Variants in CDH18 observed in about 807,000 individuals in gnomAD.
CDH18 encodes cadherin-18.
Under a neutral mutation model 67.9 loss-of-function variants are expected in CDH18, and 31 were observed. The observed-to-expected ratio is 0.46, with a 90% CI of 0.34 to 0.62. CDH18 has a LOEUF of 0.62. CDH18 is among the 20% of genes least tolerant of loss of function. The probability of loss-of-function intolerance (pLI) is 0.01; values close to 1 mark genes in which losing one functional copy is unlikely to be tolerated. For missense variants in CDH18, 890 were observed against 975.5 expected (o/e 0.91, Z 1.17); for synonymous variants, 362 against 347.2 (o/e 1.04, Z -0.48).
intron 5 of CDH18, among the ~76,000 whole-genome samples, chr5:19,693,078 C>T (rs1034017174): frequency 2.7e-5 from 4 of 146,190 alleles, no homozygotes; most frequent in Admixed American, 2.7e-4. Flanking sequence ...TAATAAAATC[C>T]TTTTTTTTTT....
In CDH18 at chr5:19,994,851, T is replaced by TAGAGAGAGAG. The variant is rs796697683; in HGVS notation, c.-517-2838_-517-2837insCTCTCTCTCT. The stretch of plus-strand genomic sequence containing the variant: ...GAGAATATATATATATATATATATA[T>TAGAGAGAGAG]ATATAGAGAGAGAGAGAGAGAGAGA... On this transcript the variant is annotated intron_variant, in intron 2 of 14. Coordinates refer to the CDH18 transcript ENST00000507958. Among the ~76,000 whole-genome samples the TAGAGAGAGAG allele has an allele frequency of 1.2e-3, 48 of 39,200 alleles. 5 individuals carry two copies. The highest frequency in any genetic ancestry group is 0.011 in the East Asian group (8 of 744). 25.7% of individuals were successfully genotyped at this position (39,200 alleles called of 152,430 possible). A position where few individuals can be genotyped will look rare whatever the true frequency, so the allele number is the denominator to read the frequency against.
rs140645600 is a variant in CDH18, at chr5:20,084,222, A to G, written c.-517-92208T>C. Reference sequence around the variant, plus strand: ...ACAAGTGGGAGACATTGGCCAAAACAAAGGGGCTACAGGTCCCATGCAAGT... The same window carrying G: ...ACAAGTGGGAGACATTGGCCAAAACGAAGGGGCTACAGGTCCCATGCAAGT... On this transcript the variant is annotated intron_variant, in intron 2 of 14. Transcript: ENST00000507958. Among the ~76,000 whole-genome samples, 1,237 of 152,284 alleles carry G rather than the reference A, an allele frequency of 8.1e-3. 81 individuals are homozygous for G. The East Asian group carries it at 0.18, about 22-fold the overall frequency.
chr5:19,671,169 A>C (rs1033670707), intron 5 of CDH18, among the ~76,000 whole-genome samples: 1 of 152,106 alleles, frequency 6.6e-6, no homozygotes, highest in Admixed American at 6.6e-5. Context: ...AGAAGAGGGT[A>C]AAGTTCAGGG....
intron 10 of CDH18, 85 bp from the exon 11 acceptor site, chr5:19,503,194 A>G: frequency 4.4e-6 from 3 of 677,736 alleles, no homozygotes; most frequent in Non-Finnish European, 7.7e-6. Flanking sequence ...TCTGTTTAAA[A>G]ATATTTTTAA....
chr5:19,833,700 T>C (rs1781304529), intron 3 of CDH18, among the ~76,000 whole-genome samples: 1 of 152,188 alleles, frequency 6.6e-6, no homozygotes, highest in South Asian at 2.1e-4. Context: ...GTTCCATCAA[T>C]ACCTAGTTTA....
chr5:19,703,048 T>G (rs1044082156), intron 5 of CDH18, among the ~76,000 whole-genome samples: 1 of 96,332 alleles, frequency 1.0e-5, no homozygotes, highest in African/African-American at 2.6e-5. Flanking sequence ...AATAAATATG[T>G]GCGTAAAACT....
At chr5:19,956,856 A>G (rs368350799) in intron 2 of CDH18, among the ~76,000 whole-genome samples, 2 of 151,856 alleles carry the variant, frequency 1.3e-5, no homozygotes, top group South Asian at 4.1e-4. Context: ...GTCATGCATA[A>G]TTCGTATAAG....
chr5:19,765,535 ATCT>A (rs1772967526), intron 3 of CDH18, among the ~76,000 whole-genome samples: 1 of 152,174 alleles, frequency 6.6e-6, no homozygotes, highest in Non-Finnish European at 1.5e-5. Context: ...GTCACAGAAC[ATCT>A]TCTGGTTATT....
chr5:19,987,842 T>A (rs777804025), intron 1 of CDH18, among the ~76,000 whole-genome samples: 55 of 152,162 alleles, frequency 3.6e-4, no homozygotes, highest in Non-Finnish European at 7.1e-4. Flanking sequence ...GCAGCTGGAT[T>A]CTGAGACTCG....
chr5:19,741,876 G>A lies in CDH18; in HGVS notation c.523+5066C>T, dbSNP rs184913088. Among the ~76,000 whole-genome samples the A allele has an allele frequency of 2.0e-3, 299 of 152,114 alleles. 1 individual carries two copies. The highest frequency in any genetic ancestry group is 0.01 in the Middle Eastern group (3 of 294). On this transcript the variant is annotated intron_variant, in intron 4 of 12. Coordinates refer to ENST00000382275, the MANE Select transcript of CDH18 (RefSeq NM_004934.5). ...ACACCACCGCATTTATTAGGTACAG[G>A]CCATGACTGCTACTAAACATCCTAC...
chr5:19,700,208 CTTTA>C (rs1334419020), intron 5 of CDH18, among the ~76,000 whole-genome samples: 7 of 152,160 alleles, frequency 4.6e-5, no homozygotes, highest in Non-Finnish European at 7.4e-5. Context: ...CCTAACCAAA[CTTTA>C]TTTGTTTAAT....
intron 5 of CDH18, among the ~76,000 whole-genome samples, chr5:19,622,698 G>A (rs1750905786): frequency 1.3e-5 from 2 of 152,230 alleles, no homozygotes; most frequent in East Asian, 3.9e-4. Flanking sequence ...CAATCACATG[G>A]AGAAAGTGAG....
At chr5:19,838,413 T>C (rs568103557) in intron 3 of CDH18, among the ~76,000 whole-genome samples, 2 of 152,288 alleles carry the variant, frequency 1.3e-5, no homozygotes, top group African/African-American at 4.8e-5. Flanking sequence ...GACATGTGAA[T>C]TCCAATATAC....
chr5:20,201,873 T>C (rs1476946348), intron 2 of CDH18, among the ~76,000 whole-genome samples: 1 of 152,012 alleles, frequency 6.6e-6, no homozygotes, highest in African/African-American at 2.4e-5. Flanking sequence ...CTAGCTTGAG[T>C]CAAAAATATC....
intron 3 of CDH18, among the ~76,000 whole-genome samples, chr5:19,774,643 GA>G (rs1210808456): frequency 6.7e-6 from 1 of 149,606 alleles, no homozygotes; most frequent in Admixed American, 6.7e-5. Flanking sequence ...CCAATATGGT[GA>G]AACCCCATCT....
At chr5:19,839,608 TA>T (rs1782049382) in intron 2 of CDH18, among the ~76,000 whole-genome samples, 2 of 152,122 alleles carry the variant, frequency 1.3e-5, no homozygotes, top group Admixed American at 6.6e-5. Flanking sequence ...AATAGGTACT[TA>T]AAGTGCTCAG....
At chr5:19,767,875 T>C (rs1471629631) in intron 3 of CDH18, among the ~76,000 whole-genome samples, 1 of 152,004 alleles carries the variant, frequency 6.6e-6, no homozygotes, top group Non-Finnish European at 1.5e-5. Flanking sequence ...AGAAGAAAAA[T>C]GTATATGAGA....
chr5:20,159,701 C>T (rs2126606146), intron 2 of CDH18, among the ~76,000 whole-genome samples: 1 of 152,220 alleles, frequency 6.6e-6, no homozygotes, highest in Admixed American at 6.5e-5. Context: ...CCTAAAGAGA[C>T]TGATGGGCAT....
chr5:20,014,673 G>A (rs1254145060), intron 2 of CDH18, among the ~76,000 whole-genome samples: 1 of 152,110 alleles, frequency 6.6e-6, no homozygotes, highest in Admixed American at 6.6e-5. Flanking sequence ...TCTAACACTA[G>A]AGAAGATTAA....
Sources: allele counts gnomAD v4.1 joint callset (sites outside exome capture counted in the v4.1 genomes callset), GRCh38; gene constraint gnomAD v4.1.1; transcripts MANE v1.5; gene names NCBI Gene and HGNC (gene_info 2026-07-23, HGNC 2026-07-21).